The following STK38L variants were observed in gnomAD, a reference collection of about 807,000 sequenced individuals.
STK38L encodes serine/threonine kinase 38 like.
Under a neutral mutation model 59.7 loss-of-function variants are expected in STK38L, and 28 were observed. That is an observed-to-expected ratio of 0.47 (90% CI 0.35 to 0.64). The LOEUF is 0.64. Among genes scored for constraint, STK38L ranks in the 30% least tolerant of loss-of-function variants. The probability of loss-of-function intolerance (pLI) is 0.01; values close to 1 mark genes in which losing one functional copy is unlikely to be tolerated. For synonymous variants in STK38L, 162 were observed against 176.8 expected (o/e 0.92, Z 0.66); for missense variants, 314 against 555.8 (o/e 0.56, Z 4.37).
rs140329948 is a variant in STK38L at position 27,260,293 on chromosome 12, A to G, written c.-12+15961A>G. On this transcript the variant is annotated intron_variant, in intron 1 of 13. Coordinates refer to ENST00000389032, the MANE Select transcript of STK38L (RefSeq NM_015000.4). ...ATTCTTTTAAATTCATTTTCAATTT[A>G]TAATTTACTTCCAACAGAACAAAAT... 4.0e-4 allele frequency among the ~76,000 whole-genome samples: 61 copies of G among 152,342 alleles called. 1 individual carries two copies. In the East Asian group the frequency reaches 0.01, roughly 25 times the overall value.
chr12:27,298,065 C>T (rs1944071202), intron 2 of STK38L: 3 of 510,356 alleles, frequency 5.9e-6, no homozygotes, highest in Admixed American at 3.4e-5. Flanking sequence ...TCTATATACC[C>T]GTATGACATG....
At chr12:27,273,278 G>A (rs1384854512) in intron 1 of STK38L, among the ~76,000 whole-genome samples, 10 of 152,210 alleles carry the variant, frequency 6.6e-5, no homozygotes, top group Admixed American at 5.9e-4. Flanking sequence ...GGAGCCGAAT[G>A]GTGCCTCCGT....
chr12:27,305,422 CT>C (rs1279104671), intron 3 of STK38L, among the ~76,000 whole-genome samples: 1 of 131,450 alleles, frequency 7.6e-6, no homozygotes, highest in African/African-American at 3.5e-5. Context: ...ATGTTTTTCT[CT>C]AAAAAATGTT....
At position 27,322,452 on chromosome 12, in the gene STK38L, A is replaced by C; in HGVS notation, c.1392A>C (p.Leu464Phe). The C allele has an allele frequency of 6.2e-7, 1 of 1,611,924 alleles. No homozygotes were observed. Reference protein sequence around the residue: ...SIPTYMKAGKL With the variant: ...SIPTYMKAGKF ...CCACCTACATGAAAGCTGGGAAGTT[A>C]TGAATGAAGATAACATTCACCCATA... Residue 464 changes from leucine to phenylalanine, a missense_variant, in exon 14 of 14, where the codon TTA (leucine) becomes TTC (phenylalanine). Transcript: ENST00000389032.
chr12:27,300,290 A>C (rs1944133716), intron 2 of STK38L, among the ~76,000 whole-genome samples: 1 of 152,256 alleles, frequency 6.6e-6, no homozygotes, highest in African/African-American at 2.4e-5. Context: ...ATTTCTAATC[A>C]GAGCAAAGCA....
At chr12:27,287,935 C>T (rs965120290) in intron 1 of STK38L, among the ~76,000 whole-genome samples, 8 of 152,128 alleles carry the variant, frequency 5.3e-5, no homozygotes, top group Admixed American at 3.9e-4. Context: ...CAGGCAGGAG[C>T]GCAGTGGTGC....
In STK38L at chr12:27,284,203, C is replaced by T. The variant is rs115776693; in HGVS notation, c.-11-13507C>T. Among the ~76,000 whole-genome samples the T allele has an allele frequency of 7.9e-3, 1,205 of 152,260 alleles. 13 individuals are homozygous for T. The highest frequency in any genetic ancestry group is 0.027 in the African/African-American group (1,140 of 41,548). Reference sequence around the variant, plus strand: ...TACATAATCCAGGACTCAGCGCTGGCTATCAGTGTTCTGATATCCAACTTT... The same window carrying T: ...TACATAATCCAGGACTCAGCGCTGGTTATCAGTGTTCTGATATCCAACTTT... On this transcript the variant is annotated intron_variant, in intron 1 of 13. Coordinates refer to ENST00000389032, the MANE Select transcript of STK38L (RefSeq NM_015000.4).
intron 1 of STK38L, among the ~76,000 whole-genome samples, chr12:27,274,494 A>G (rs1247123906): frequency 1.3e-5 from 2 of 152,242 alleles, no homozygotes; most frequent in Non-Finnish European, 2.9e-5. Context: ...GCATTTTATC[A>G]CGTCACTACT....
intron 5 of STK38L, among the ~76,000 whole-genome samples, 189 bp downstream of exon 5, chr12:27,309,386 G>A (rs964305327): frequency 6.6e-6 from 1 of 152,136 alleles, no homozygotes; most frequent in Non-Finnish European, 1.5e-5. Flanking sequence ...ATGTATGTCT[G>A]CTTAGACTTC....
intron 1 of STK38L, among the ~76,000 whole-genome samples, chr12:27,251,069 T>C (rs1942965745): frequency 6.6e-6 from 1 of 151,796 alleles, no homozygotes; most frequent in Admixed American, 6.6e-5. Context: ...ATTATTTTAC[T>C]ACAAAAACTT....
intron 1 of STK38L, among the ~76,000 whole-genome samples, chr12:27,270,927 T>A (rs1164930876): frequency 6.6e-6 from 1 of 152,256 alleles, no homozygotes; most frequent in East Asian, 1.9e-4. Flanking sequence ...AGATCCTAAT[T>A]ATCTTTTGGT....
At chr12:27,249,706 A>G (rs1942931460) in intron 1 of STK38L, among the ~76,000 whole-genome samples, 1 of 152,206 alleles carries the variant, frequency 6.6e-6, no homozygotes, top group African/African-American at 2.4e-5. Flanking sequence ...TCAGTTGGTA[A>G]CCCAAATTGT....
At chr12:27,252,129 G>A (rs1392739655) in intron 1 of STK38L, among the ~76,000 whole-genome samples, 1 of 152,102 alleles carries the variant, frequency 6.6e-6, no homozygotes, top group Non-Finnish European at 1.5e-5. Context: ...ACAGGTGCCT[G>A]CCACCACACC....
intron 11 of STK38L, among the ~76,000 whole-genome samples, chr12:27,319,011 T>A (rs1423674379): frequency 6.6e-6 from 1 of 151,916 alleles, no homozygotes; most frequent in Non-Finnish European, 1.5e-5. Context: ...GAAAAAAAAA[T>A]TTATTGAAAA....
intron 5 of STK38L, among the ~76,000 whole-genome samples, chr12:27,309,764 T>C (rs572077939): frequency 6.6e-6 from 1 of 152,234 alleles, no homozygotes; most frequent in East Asian, 1.9e-4. Context: ...AGTACATACC[T>C]TCTGAAATAC....
Position 27,322,543 on chromosome 12 carries a change from C to A in STK38L, c.*88C>A. ...GCGTAGATAACAATACACTGAAATACTCCTGAAGATGGTGGTGCTTATTGA... is the reference window on the plus strand; with the variant it reads ...GCGTAGATAACAATACACTGAAATAATCCTGAAGATGGTGGTGCTTATTGA... On this transcript the variant is annotated 3_prime_UTR_variant, in exon 14 of 14. Coordinates refer to ENST00000389032, the MANE Select transcript of STK38L (RefSeq NM_015000.4). The A allele has an allele frequency of 6.6e-7, 1 of 1,504,158 alleles. No homozygotes were observed. 93.2% of individuals were successfully genotyped at this position (1,504,158 alleles called of 1,614,324 possible).
chr12:27,246,789 T>G (rs1272975098), intron 1 of STK38L, among the ~76,000 whole-genome samples: 2 of 152,156 alleles, frequency 1.3e-5, no homozygotes, highest in Non-Finnish European at 2.9e-5. Flanking sequence ...GGTAAAAGTT[T>G]GCTAATTGAC....
chr12:27,291,979 C>T (rs757938692), intron 1 of STK38L, among the ~76,000 whole-genome samples: 6 of 152,186 alleles, frequency 3.9e-5, no homozygotes, highest in Non-Finnish European at 8.8e-5. Flanking sequence ...GATTTGTTAT[C>T]TCCTTTCCCC....
At chr12:27,278,140 G>C (rs181251118) in intron 1 of STK38L, among the ~76,000 whole-genome samples, 4 of 152,326 alleles carry the variant, frequency 2.6e-5, no homozygotes, top group African/African-American at 7.2e-5. Context: ...GCAATTAAGA[G>C]ATGCTTGCTT....
Sources: gnomAD v4.1 joint callset for allele counts (sites outside exome capture counted in the v4.1 genomes callset) on GRCh38, gnomAD v4.1.1 for gene constraint, MANE v1.5 for transcripts, NCBI Gene and HGNC (gene_info 2026-07-23, HGNC 2026-07-21) for gene names.